The following PLS3 variants were observed in gnomAD, a reference collection of about 807,000 sequenced individuals.
The protein encoded by PLS3 is plastin 3.
In PLS3, 11 loss-of-function variants were observed where a neutral mutation model predicts 46.5. The ratio of observed to expected loss-of-function variants is 0.24; its 90% CI spans 0.15 to 0.39. The LOEUF (loss-of-function observed/expected upper bound fraction) is 0.39. Among genes scored for constraint, PLS3 ranks in the 10% least tolerant of loss-of-function variants. The pLI, the probability that PLS3 is intolerant of heterozygous loss-of-function variation, is 1.00. For missense variants in PLS3, 308 were observed against 461.8 expected, an observed-to-expected ratio of 0.67 and a Z score of 3.05; for synonymous variants, 167 against 162.2, an observed-to-expected ratio of 1.03 and a Z score of -0.22.
Position 115,629,815 on chromosome X carries a change from G to A in PLS3, c.368-20G>A. On this transcript the variant is annotated intron_variant, in intron 4 of 15. Transcript: ENST00000355899. ...AAGTTAGAGTATGAACTAATGTCTT[G>A]TTATTTAACATAATTTTAGAGGAAG... The A allele has an allele frequency of 9.8e-7, 1 of 1,017,442 alleles. No individual in the cohort carries two copies. Among genetic ancestry groups the A allele is most frequent in the Non-Finnish European group, 1.4e-6 (1 of 730,949 alleles). The allele number at this position is 1,017,442 out of a possible 1,213,427, so 83.8% of individuals were successfully genotyped here.
At chrX:115,571,601 G>C (rs782761152) in intron 1 of PLS3, among the ~76,000 whole-genome samples, 1 of 111,209 alleles carries the variant, frequency 9.0e-6, no homozygotes, top group East Asian at 2.8e-4. Flanking sequence ...ACCTTCAAAG[G>C]AAAATTGGAA....
intron 8 of PLS3, 70 bp from the exon 9 acceptor site, chrX:115,640,338 A>T: frequency 1.3e-6 from 1 of 757,495 alleles, no homozygotes; most frequent in African/African-American, 2.1e-5. Context: ...ATAGCCTTCC[A>T]AACATGGGAC....
At chrX:115,629,990 A>G (rs781784767) in intron 5 of PLS3, 23 bp downstream of exon 5, 2 of 1,096,263 alleles carry the variant, frequency 1.8e-6, no homozygotes, top group Admixed American at 2.7e-5. Context: ...CTTGTTTTAT[A>G]TCCAGATATC....
At chrX:115,573,540 A>G (rs1186454702) in intron 1 of PLS3, among the ~76,000 whole-genome samples, 1 of 112,424 alleles carries the variant, frequency 8.9e-6, no homozygotes, top group Non-Finnish European at 1.9e-5. Context: ...TCATGTATGC[A>G]GAAGTCCCCA....
chrX:115,649,676 A>G lies in PLS3; in HGVS notation c.*115A>G. ...CTCTTGGCCATTCAAAGGACTTTTC[A>G]TTTTGATTAACAGGACTAGCTTATC... On this transcript the variant is annotated 3_prime_UTR_variant, in exon 16 of 16. Transcript: ENST00000355899. 3 of 660,434 alleles carry G rather than the reference A, an allele frequency of 4.5e-6. No homozygotes were observed. Among genetic ancestry groups the G allele is most frequent in the Non-Finnish European group, 6.8e-6 (3 of 444,269 alleles). 54.4% of individuals were successfully genotyped at this position (660,434 alleles called of 1,213,427 possible). A position where few individuals can be genotyped will look rare whatever the true frequency, so the allele number is the denominator to read the frequency against.
intron 1 of PLS3, among the ~76,000 whole-genome samples, chrX:115,602,556 G>C (rs886679538): frequency 9.0e-6 from 1 of 111,431 alleles, no homozygotes; most frequent in Non-Finnish European, 1.9e-5. Flanking sequence ...GCAAAGTGTG[G>C]GTGTTCAAAA....
chrX:115,636,227 G>A (rs1230807108), intron 7 of PLS3, among the ~76,000 whole-genome samples: 4 of 78,234 alleles, frequency 5.1e-5, no homozygotes, highest in African/African-American at 2.2e-4. Flanking sequence ...TTTTTTTTGA[G>A]ACGGAGTCTC....
At chrX:115,616,418 C>T (rs192458456) in intron 2 of PLS3, among the ~76,000 whole-genome samples, 1 of 112,202 alleles carries the variant, frequency 8.9e-6, no homozygotes, top group Non-Finnish European at 1.9e-5. Flanking sequence ...GACTCAAAGA[C>T]TATCATTTAG....
chrX:115,643,542 C>G (rs782506793), intron 10 of PLS3, 34 bp downstream of exon 10: 1 of 842,688 alleles, frequency 1.2e-6, no homozygotes, highest in South Asian at 2.3e-5. Flanking sequence ...ATGTGTGGGA[C>G]TATAGAGTAG....
At chrX:115,624,015 C>G (rs2074683457) in intron 3 of PLS3, among the ~76,000 whole-genome samples, 1 of 111,073 alleles carries the variant, frequency 9.0e-6, no homozygotes, top group Non-Finnish European at 1.9e-5. Flanking sequence ...GGATCACGAG[C>G]TCAGAAGATC....
intron 7 of PLS3, 21 bp from the exon 8 acceptor site, chrX:115,636,815 A>ATTTTTTTTTTTTTTTTTT (rs111323826): frequency 7.6e-6 from 7 of 917,593 alleles, no homozygotes; most frequent in South Asian, 2.4e-5. Context: ...TAACTGTGGG[A>ATTTTTTTTTTTTTTTTTT]TTTTTTTTTT....
In PLS3 at chrX:115,649,798, C is replaced by T. The variant is rs928653774; in HGVS notation, c.*237C>T. ...GGCACGCCTGAAATGTGCTCATAGCCAAAACATTTTACTCTCTCCTCCTAG... is the reference window on the plus strand; with the variant it reads ...GGCACGCCTGAAATGTGCTCATAGCTAAAACATTTTACTCTCTCCTCCTAG... On this transcript the variant is annotated 3_prime_UTR_variant, in exon 16 of 16. Coordinates refer to ENST00000355899, the MANE Select transcript of PLS3 (RefSeq NM_005032.7). 7.3e-6 allele frequency: 2 copies of T among 272,688 alleles called. No individual in the cohort carries two copies. The highest frequency in any genetic ancestry group is 1.1e-4 in the East Asian group (2 of 18,375). The allele number at this position is 272,688 out of a possible 1,213,427, so 22.5% of individuals were successfully genotyped here.
intron 1 of PLS3, among the ~76,000 whole-genome samples, chrX:115,586,240 C>T (rs945151098): frequency 3.6e-4 from 39 of 108,225 alleles, no homozygotes; most frequent in Admixed American, 1.0e-3. Context: ...CTGCCTCGGC[C>T]TCCCAAAGTG....
At chrX:115,619,051 T>C (rs2074623915) in intron 2 of PLS3, among the ~76,000 whole-genome samples, 1 of 112,512 alleles carries the variant, frequency 8.9e-6, no homozygotes, top group Non-Finnish European at 1.9e-5. Flanking sequence ...ATGTTATCAC[T>C]CTGTATCTGT....
At chrX:115,592,740 T>C (rs1466609695) in intron 1 of PLS3, among the ~76,000 whole-genome samples, 1 of 111,695 alleles carries the variant, frequency 9.0e-6, no homozygotes, top group Non-Finnish European at 1.9e-5. Flanking sequence ...ATTAAATCAT[T>C]TAAGCCTTAC....
chrX:115,568,431 C>T lies in PLS3; in HGVS notation c.-9+7171C>T, dbSNP rs184403035. 6.4e-4 allele frequency among the ~76,000 whole-genome samples: 72 copies of T among 111,773 alleles called. 1 individual carries two copies. Among genetic ancestry groups the T allele is most frequent in the African/African-American group, 2.2e-3 (69 of 30,860 alleles). On this transcript the variant is annotated intron_variant, in intron 1 of 15. Transcript: ENST00000355899. The stretch of plus-strand genomic sequence containing the variant: ...TAAAAATTGGAATAACACTATATCC[C>T]ATTCTTTTCATTTATTACATTATAA...
chrX:115,581,619 G>A (rs1367966712), intron 1 of PLS3, among the ~76,000 whole-genome samples: 2 of 111,889 alleles, frequency 1.8e-5, no homozygotes, highest in Non-Finnish European at 3.8e-5. Flanking sequence ...TTTCTGTCTT[G>A]CTTTCTCAAG....
At chrX:115,636,156 T>C (rs1000058798) in intron 7 of PLS3, among the ~76,000 whole-genome samples, 40 of 111,242 alleles carry the variant, frequency 3.6e-4, no homozygotes, top group African/African-American at 1.2e-3. Context: ...AATCAAAAGG[T>C]TAAGTAAAAG....
At chrX:115,638,111 A>ATT (rs58784493) in intron 8 of PLS3, among the ~76,000 whole-genome samples, 1,823 of 106,134 alleles carry the variant, frequency 0.017, 37 homozygotes, top group African/African-American at 0.059. Flanking sequence ...AGCCCGATTG[A>ATT]TTTTTTTTTC....
Sources: allele counts gnomAD v4.1 joint callset (sites outside exome capture counted in the v4.1 genomes callset), GRCh38; gene constraint gnomAD v4.1.1; transcripts MANE v1.5; gene names NCBI Gene and HGNC (gene_info 2026-07-23, HGNC 2026-07-21).